The following MCM2 variants were observed in gnomAD, a reference collection of about 807,000 sequenced individuals.
MCM2 encodes the protein minichromosome maintenance complex component 2.
MCM2 carries 49 observed loss-of-function variants against 86.4 expected under a neutral mutation model. That is an observed-to-expected ratio of 0.57 (90% CI 0.45 to 0.72). The LOEUF is 0.72. MCM2 is among the 30% of genes least tolerant of loss of function. The pLI is 0.00. For missense variants in MCM2, 1,038 were observed against 1,259.9 expected, an observed-to-expected ratio of 0.82 and a Z score of 2.67; for synonymous variants, 475 against 484.6, an observed-to-expected ratio of 0.98 and a Z score of 0.26.
At chr3:127,621,400 A>G (rs576408706) in intron 15 of MCM2, among the ~76,000 whole-genome samples, 172 bp downstream of exon 15, 1 of 152,282 alleles carries the variant, frequency 6.6e-6, no homozygotes, top group East Asian at 1.9e-4. Context: ...GTCTGACAGC[A>G]GGGGAGTGAG....
At chr3:127,614,827 T>C (rs1253874036) in intron 8 of MCM2, among the ~76,000 whole-genome samples, 2 of 152,182 alleles carry the variant, frequency 1.3e-5, no homozygotes, top group African/African-American at 2.4e-5. Flanking sequence ...GGCTCCTGAG[T>C]TCTGTTGACA....
rs769924051 is a variant in MCM2 at position 127,604,928 on chromosome 3, C to G, written c.445C>G (p.Arg149Gly). ...SDEEDEERPA[R>G]KRRQVERATE... ...TGAGGAGGACGAGGAGCGCCCTGCC[C>G]GCAAGCGCCGCCAGGTGGAGCGGGC... The change falls in exon 4 of 16, where the codon CGC (arginine) becomes GGC (glycine). Residue 149 changes from arginine (R) to glycine (G), a missense_variant. Transcript: ENST00000265056. 5 of 1,613,134 alleles carry G rather than the reference C, an allele frequency of 3.1e-6. No homozygotes were observed. The highest frequency in any genetic ancestry group is 4.2e-6 in the Non-Finnish European group (5 of 1,179,660).
rs1172778154 is a variant in MCM2 at position 127,608,237 on chromosome 3, C to A, written c.1102-145C>A. On this transcript the variant is annotated intron_variant, in intron 6 of 15. Coordinates refer to ENST00000265056, the MANE Select transcript of MCM2 (RefSeq NM_004526.4). ...GGGACTGTCAACTGATGTGCTGAGT[C>A]GCCATGAACTCATTCCTTGCTGTCT... 9.2e-6 allele frequency: 9 copies of A among 978,494 alleles called. No homozygotes were observed. In the East Asian group the frequency reaches 2.2e-4, roughly 24 times the overall value. The allele number at this position is 978,494 out of a possible 1,614,324, so 60.6% of individuals were successfully genotyped here. A position where few individuals can be genotyped will look rare whatever the true frequency, so the allele number is the denominator to read the frequency against.
rs201216288 is a variant in MCM2 at position 127,604,766 on chromosome 3, G to A, written c.395G>A (p.Arg132His). 1.8e-5 allele frequency: 29 copies of A among 1,596,086 alleles called. No individual in the cohort carries two copies. The highest frequency in any genetic ancestry group is 2.4e-5 in the Non-Finnish European group (28 of 1,171,846). The change falls in exon 3 of 16, where the codon CGC becomes CAC. Residue 132 changes from arginine (R) to histidine (H), a missense_variant. Physicochemically the swap from Arg to His is conservative, Grantham distance 29 (BLOSUM62 0). Transcript: ENST00000265056. Reference sequence around the variant, plus strand: ...GCTGGCCGGGGCCTGGGCCGCATGCGCCGTGGGCTCCTGTATGGTAGGTCC... The same window carrying A: ...GCTGGCCGGGGCCTGGGCCGCATGCACCGTGGGCTCCTGTATGGTAGGTCC... ...REAGRGLGRM[R>H]RGLLYDSDEE...
At chr3:127,614,430 T>C (rs932687904) in intron 8 of MCM2, among the ~76,000 whole-genome samples, 3 of 152,238 alleles carry the variant, frequency 2.0e-5, no homozygotes, top group African/African-American at 7.2e-5. Context: ...GATCCATAAG[T>C]TGTGATTGGT....
intron 8 of MCM2, among the ~76,000 whole-genome samples, chr3:127,611,941 C>T (rs1175993393): frequency 2.0e-5 from 3 of 151,626 alleles, no homozygotes; most frequent in African/African-American, 4.9e-5. Flanking sequence ...CCTCGTGATC[C>T]GCCCGCCTCG....
chr3:127,606,104 G>C lies in MCM2; in HGVS notation c.674-14G>C, dbSNP rs372793860. 1.8e-4 allele frequency: 282 copies of C among 1,607,384 alleles called. No individual in the cohort carries two copies. The highest frequency in any genetic ancestry group is 2.3e-4 in the Non-Finnish European group (269 of 1,174,080). ...ATGCTTAGTTAACTCTCTTCCCACT[G>C]TGCCCCCTTCTAGAGAACCGTGAGA... On this transcript the variant is annotated splice_polypyrimidine_tract_variant and intron_variant, in intron 4 of 15. Coordinates refer to ENST00000265056, the MANE Select transcript of MCM2 (RefSeq NM_004526.4). This position sits in a 1 kb window ranked among gnomAD's most constrained non-coding sequence, Gnocchi z 4.2.
rs1212219392 is a variant in MCM2 at position 127,618,926 on chromosome 3, G to C, written c.2014-101G>C. On this transcript the variant is annotated intron_variant, in intron 12 of 15. Transcript: ENST00000265056. The surrounding 1 kb of genome is among the most constrained non-coding windows in gnomAD (Gnocchi z 4.0). ...CAGTGTAGTCAGTCTTGTTGAAAGA[G>C]TGTCACCCTTGTAGGGCACACTCAG... 3 of 1,317,916 alleles carry C rather than the reference G, an allele frequency of 2.3e-6. No homozygotes were observed. Among genetic ancestry groups the C allele is most frequent in the Non-Finnish European group, 3.0e-6 (3 of 986,358 alleles). The allele number at this position is 1,317,916 out of a possible 1,614,324, so 81.6% of individuals were successfully genotyped here.
rs760949578 is a variant in MCM2 at position 127,615,890 on chromosome 3, A to G, written c.1457A>G (p.Tyr486Cys). Reference sequence around the variant, plus strand: ...TTTGCCAGCATTGCTCCTTCCATCTATGGTCATGAAGACATCAAGAGAGGC... The same window carrying G: ...TTTGCCAGCATTGCTCCTTCCATCTGTGGTCATGAAGACATCAAGAGAGGC... ...KIFASIAPSIYGHEDIKRGLA... is the reference protein window; with the variant it reads ...KIFASIAPSICGHEDIKRGLA... The change falls in exon 9 of 16, where the codon TAT (tyrosine) becomes TGT (cysteine). Residue 486 changes from tyrosine (Y) to cysteine (C), a missense_variant. Coordinates refer to ENST00000265056, the MANE Select transcript of MCM2 (RefSeq NM_004526.4). The G allele has an allele frequency of 3.8e-5, 62 of 1,613,936 alleles. No individual in the cohort carries two copies. Among genetic ancestry groups the G allele is most frequent in the Admixed American group, 1.7e-4 (10 of 59,998 alleles).
Position 127,618,932 on chromosome 3 carries a change from C to A in MCM2, c.2014-95C>A. 7.3e-7 allele frequency: 1 copy of A among 1,365,774 alleles called. No homozygotes were observed. The highest frequency in any genetic ancestry group is 9.8e-7 in the Non-Finnish European group (1 of 1,023,752). The allele number at this position is 1,365,774 out of a possible 1,614,324, so 84.6% of individuals were successfully genotyped here. On this transcript the variant is annotated intron_variant, in intron 12 of 15. Coordinates refer to ENST00000265056, the MANE Select transcript of MCM2 (RefSeq NM_004526.4). This position sits in a 1 kb window ranked among gnomAD's most constrained non-coding sequence, Gnocchi z 4.0. ...AGTCAGTCTTGTTGAAAGAGTGTCA[C>A]CCTTGTAGGGCACACTCAGCCCTTC...
chr3:127,620,605 C>A, intron 13 of MCM2, 93 bp from the exon 14 acceptor site: 1 of 1,348,838 alleles, frequency 7.4e-7, no homozygotes, highest in Non-Finnish European at 1.0e-6. Flanking sequence ...TCAGATGGGT[C>A]TTCTTGGCTC....
intron 2 of MCM2, among the ~76,000 whole-genome samples, chr3:127,602,355 A>G (rs2080057642): frequency 6.6e-6 from 1 of 152,018 alleles, no homozygotes; most frequent in Non-Finnish European, 1.5e-5. Context: ...ATTTGTTCTG[A>G]CAGTAGTTTG....
At chr3:127,616,449 CTG>C (rs1459072512) in intron 9 of MCM2, among the ~76,000 whole-genome samples, 1 of 152,088 alleles carries the variant, frequency 6.6e-6, no homozygotes, top group Non-Finnish European at 1.5e-5. Context: ...GCAGCGTCCC[CTG>C]TGTGTGCCCA....
Position 127,606,604 on chromosome 3 carries a change from C to T in MCM2, c.894-6C>T. ...ACGGCTTCTGATGCACCCTCTGCCTCCGCAGGCAGCTGCATCTGAACCAGC... is the reference window on the plus strand; with the variant it reads ...ACGGCTTCTGATGCACCCTCTGCCTTCGCAGGCAGCTGCATCTGAACCAGC... On this transcript the variant is annotated splice_region_variant and splice_polypyrimidine_tract_variant and intron_variant, in intron 5 of 15. Transcript: ENST00000265056. The surrounding 1 kb of genome is among the most constrained non-coding windows in gnomAD (Gnocchi z 4.2). The T allele has an allele frequency of 5.6e-6, 9 of 1,612,904 alleles. No individual in the cohort carries two copies. Among genetic ancestry groups the T allele is most frequent in the Non-Finnish European group, 7.6e-6 (9 of 1,179,136 alleles).
intron 4 of MCM2, among the ~76,000 whole-genome samples, chr3:127,605,729 C>G (rs1010457491): frequency 1.3e-5 from 2 of 152,072 alleles, no homozygotes; most frequent in African/African-American, 4.8e-5. Flanking sequence ...CGTGAGCCAC[C>G]GTCCCCAGCC....
At chr3:127,620,338 C>T (rs928674640) in intron 13 of MCM2, among the ~76,000 whole-genome samples, 1 of 152,230 alleles carries the variant, frequency 6.6e-6, no homozygotes, top group Non-Finnish European at 1.5e-5. Context: ...CTACAAACAA[C>T]GACCTTTTTT....
chr3:127,606,513 C>CTG lies in MCM2; in HGVS notation c.894-96_894-95dup. 1 of 1,305,614 alleles carries CTG rather than the reference C, an allele frequency of 7.7e-7. No homozygotes were observed. The highest frequency in any genetic ancestry group is 1.1e-6 in the Non-Finnish European group (1 of 924,444). 80.9% of individuals were successfully genotyped at this position (1,305,614 alleles called of 1,614,324 possible). On this transcript the variant is annotated intron_variant, in intron 5 of 15. Transcript: ENST00000265056. The surrounding 1 kb of genome is among the most constrained non-coding windows in gnomAD (Gnocchi z 4.2). ...GGGAGGGATCTTCCCGGGCTGGGGG[C>CTG]TGGGCCCAATTTCCAGGACAGTGTG...
intron 6 of MCM2, among the ~76,000 whole-genome samples, chr3:127,607,353 A>G (rs2074359302): frequency 6.6e-6 from 1 of 152,246 alleles, no homozygotes; most frequent in Non-Finnish European, 1.5e-5. Flanking sequence ...GTCCCTGTAA[A>G]TGGGCTCATC....
chr3:127,600,306 G>A (rs73861528), intron 2 of MCM2, among the ~76,000 whole-genome samples: 199 of 152,240 alleles, frequency 1.3e-3, no homozygotes, highest in South Asian at 5.4e-3. Context: ...AAATAAGTTA[G>A]CAAGACTTAA....
Sources: gnomAD v4.1 joint callset for allele counts (sites outside exome capture counted in the v4.1 genomes callset) on GRCh38, gnomAD v4.1.1 for gene constraint, Gnocchi (gnomAD v3.1) non-coding constraint, MANE v1.5 for transcripts, NCBI Gene and HGNC (gene_info 2026-07-23, HGNC 2026-07-21) for gene names.